HMGN2: variants seen among roughly 807,000 people sequenced by gnomAD.
The protein encoded by HMGN2 is non-histone chromosomal protein HMG-17.
A neutral mutation model predicts 16.9 loss-of-function variants in HMGN2; 2 were observed. The observed-to-expected ratio is 0.12, with a 90% CI of 0.05 to 0.37. The LOEUF is 0.37. Ranked by LOEUF, HMGN2 falls within the 10% of genes least tolerant of loss-of-function variation. HMGN2 has a pLI of 1.00. For missense variants in HMGN2, 90 were observed against 106.0 expected (o/e 0.85, Z 0.66); for synonymous variants, 31 against 34.9 (o/e 0.89, Z 0.39).
rs796736102 is a variant in HMGN2, at chr1:26,475,390, G to C, written c.*242G>C. ...ACACCTTTCCCTTCTAGTTTTGAGA[G>C]ACTTCCTCTTGGCTCCCAGGAGGAG... On this transcript the variant is annotated 3_prime_UTR_variant, in exon 6 of 6. Transcript: ENST00000361427. 1 of 385,724 alleles carries C rather than the reference G, an allele frequency of 2.6e-6. No individual in the cohort carries two copies. Among genetic ancestry groups the C allele is most frequent in the Admixed American group, 4.2e-5 (1 of 23,808 alleles). 23.9% of individuals were successfully genotyped at this position (385,724 alleles called of 1,614,324 possible). A position where few individuals can be genotyped will look rare whatever the true frequency, so the allele number is the denominator to read the frequency against.
chr1:26,475,814 G>A lies in HMGN2; in HGVS notation c.*666G>A, dbSNP rs540807280. 2.8e-4 allele frequency: 89 copies of A among 316,924 alleles called. No homozygotes were observed. Among genetic ancestry groups the A allele is most frequent in the African/African-American group, 1.8e-3 (79 of 44,714 alleles). The allele number at this position is 316,924 out of a possible 1,614,324, so 19.6% of individuals were successfully genotyped here. A position where few individuals can be genotyped will look rare whatever the true frequency, so the allele number is the denominator to read the frequency against. On this transcript the variant is annotated 3_prime_UTR_variant, in exon 6 of 6. Transcript: ENST00000361427. ...AGAGCATCAGATGAAGACTTCATTG[G>A]GTTTTATAGTGGCTTTCTGATTTTT...
In HMGN2 at chr1:26,474,745, C is replaced by T. The variant is rs144817278; in HGVS notation, c.237+78C>T. 8.2e-4 allele frequency: 599 copies of T among 733,226 alleles called. 3 individuals carry two copies. The African/African-American group carries it at 9.1e-3, about 11-fold the overall frequency. The allele number at this position is 733,226 out of a possible 1,614,324, so 45.4% of individuals were successfully genotyped here. A position where few individuals can be genotyped will look rare whatever the true frequency, so the allele number is the denominator to read the frequency against. The stretch of plus-strand genomic sequence containing the variant: ...ATATCAAAAATTTAATTGCCCTTTT[C>T]TTGTATCACTCCAAATGTACCATTT... On this transcript the variant is annotated intron_variant, in intron 5 of 5. Transcript: ENST00000361427.
chr1:26,473,661 A>G, intron 2 of HMGN2, 42 bp from the exon 3 acceptor site: 1 of 1,609,260 alleles, frequency 6.2e-7, no homozygotes, highest in Non-Finnish European at 8.5e-7. Flanking sequence ...TTTCAAAGCG[A>G]CTTACCTGTC....
intron 1 of HMGN2, 55 bp from the exon 2 acceptor site, chr1:26,473,428 G>C: frequency 7.8e-7 from 1 of 1,274,096 alleles, no homozygotes; most frequent in Non-Finnish European, 1.1e-6. Flanking sequence ...TAAAGTTTGG[G>C]AAGTAATTAA....
rs1359081532 is a variant in HMGN2 at position 26,476,471 on chromosome 1, T to C, written c.*1323T>C. On this transcript the variant is annotated 3_prime_UTR_variant, in exon 6 of 6. Coordinates refer to ENST00000361427, the MANE Select transcript of HMGN2 (RefSeq NM_005517.4). Reference sequence around the variant, plus strand: ...CTGCAAACAAAGACAATGGGGTCTTTCCTGATTCCTTTAGTTTGGAGATGC... The same window carrying C: ...CTGCAAACAAAGACAATGGGGTCTTCCCTGATTCCTTTAGTTTGGAGATGC... Among the ~76,000 whole-genome samples the C allele has an allele frequency of 2.0e-5, 3 of 152,222 alleles. No individual in the cohort carries two copies. Among genetic ancestry groups the C allele is most frequent in the Non-Finnish European group, 2.9e-5 (2 of 68,036 alleles).
At chr1:26,475,001 A>G (rs1194725251) in intron 5 of HMGN2, 112 bp from the exon 6 acceptor site, 3 of 841,864 alleles carry the variant, frequency 3.6e-6, no homozygotes, top group South Asian at 1.5e-5. Flanking sequence ...ACTGAGTCTC[A>G]GTACCTGAAA....
rs958810113 is a variant in HMGN2 at position 26,473,159 on chromosome 1, A to T, written c.16-324A>T. On this transcript the variant is annotated intron_variant, in intron 1 of 5. Coordinates refer to ENST00000361427, the MANE Select transcript of HMGN2 (RefSeq NM_005517.4). ...CGCGCGCCTCCCTCTCCCGCCCTCGACGGCTGCCATAGCAACGGCGCTGGG... is the reference window on the plus strand; with the variant it reads ...CGCGCGCCTCCCTCTCCCGCCCTCGTCGGCTGCCATAGCAACGGCGCTGGG... 4.5e-5 allele frequency: 15 copies of T among 335,236 alleles called. No homozygotes were observed. In the South Asian group the frequency reaches 5.4e-4, roughly 12 times the overall value. The allele number at this position is 335,236 out of a possible 1,614,324, so 20.8% of individuals were successfully genotyped here.
chr1:26,474,143 C>A lies in HMGN2; in HGVS notation c.141+8C>A, dbSNP rs928616753. On this transcript the variant is annotated splice_region_variant and intron_variant, in intron 4 of 5. Transcript: ENST00000361427. Reference sequence around the variant, plus strand: ...AAAAAGGCCCCTGCAAAGGTAAGTGCTAACATTGGAACTGATCATTTTCAC... The same window carrying A: ...AAAAAGGCCCCTGCAAAGGTAAGTGATAACATTGGAACTGATCATTTTCAC... 1.9e-6 allele frequency: 3 copies of A among 1,599,440 alleles called. No homozygotes were observed. The highest frequency in any genetic ancestry group is 2.6e-6 in the Non-Finnish European group (3 of 1,171,568).
At position 26,473,818 on chromosome 1, in the gene HMGN2, G is replaced by A. The variant is rs369251613; in HGVS notation, c.90+86G>A. 634 of 1,346,990 alleles carry A rather than the reference G, an allele frequency of 4.7e-4. 1 individual carries two copies. In the African/African-American group the frequency reaches 8.3e-3, roughly 18 times the overall value. The allele number at this position is 1,346,990 out of a possible 1,614,324, so 83.4% of individuals were successfully genotyped here. A position where few individuals can be genotyped will look rare whatever the true frequency, so the allele number is the denominator to read the frequency against. On this transcript the variant is annotated intron_variant, in intron 3 of 5. Coordinates refer to ENST00000361427, the MANE Select transcript of HMGN2 (RefSeq NM_005517.4). ...ATTCCCTTTGCTTCCATGAATTATG[G>A]TTAGTGCCTGGTTTTGAATCATTGC...
chr1:26,474,550 T>C, intron 4 of HMGN2, 22 bp from the exon 5 acceptor site: 2 of 1,152,270 alleles, frequency 1.7e-6, no homozygotes, highest in South Asian at 2.5e-5. Flanking sequence ...GAGAAACAGT[T>C]CTATTTTTTC....
In HMGN2 at chr1:26,473,308, CGA is replaced by C. The variant is rs1570378176; in HGVS notation, c.16-173_16-172del. On this transcript the variant is annotated intron_variant, in intron 1 of 5. Transcript: ENST00000361427. The stretch of plus-strand genomic sequence containing the variant: ...TCCAGCCCTCGCTTCTCGGGGTCGG[CGA>C]GCCGGAGCTCCTGCGCGCGCTTCGT... The C allele has an allele frequency of 2.3e-5, 14 of 596,288 alleles. 1 individual carries two copies. In the East Asian group the frequency reaches 4.0e-4, roughly 17 times the overall value. 36.9% of individuals were successfully genotyped at this position (596,288 alleles called of 1,614,324 possible).
chr1:26,473,942 C>T, intron 3 of HMGN2, 143 bp from the exon 4 acceptor site: 2 of 807,306 alleles, frequency 2.5e-6, no homozygotes, highest in Non-Finnish European at 4.0e-6. Context: ...GGAAATCCAA[C>T]ATTCTAGAAG....
At position 26,472,538 on chromosome 1, in the gene HMGN2, CG is replaced by C; in HGVS notation, c.-73del. 5.2e-6 allele frequency: 8 copies of C among 1,525,784 alleles called. No homozygotes were observed. The South Asian group carries it at 9.5e-5, about 18-fold the overall frequency. The allele number at this position is 1,525,784 out of a possible 1,614,324, so 94.5% of individuals were successfully genotyped here. A position where few individuals can be genotyped will look rare whatever the true frequency, so the allele number is the denominator to read the frequency against. The stretch of plus-strand genomic sequence containing the variant: ...GTGAAGAAGAGGCGAGAACGACCCC[CG>C]GACCGACCAAAGCCCGCGCGCCGCT... On this transcript the variant is annotated 5_prime_UTR_variant, in exon 1 of 6. Coordinates refer to ENST00000361427, the MANE Select transcript of HMGN2 (RefSeq NM_005517.4).
intron 3 of HMGN2, 48 bp downstream of exon 3, chr1:26,473,780 A>G (rs748748132): frequency 6.5e-7 from 1 of 1,545,668 alleles, no homozygotes; most frequent in South Asian, 1.1e-5. Flanking sequence ...AAACTAAAAA[A>G]CATCAAAAAA....
rs542596488 is a variant in HMGN2 at position 26,473,008 on chromosome 1, G to GA, written c.15+384dup. 3.2e-3 allele frequency among the ~76,000 whole-genome samples: 461 copies of GA among 145,596 alleles called. 2 individuals carry two copies. The highest frequency in any genetic ancestry group is 0.011 in the African/African-American group (440 of 39,350). Reference sequence around the variant, plus strand: ...CGGCGCTCGGGGTTGGCGGGCGGGGGAAAGCGCTGCCGCCAAAAAACCGCC... The same window carrying GA: ...CGGCGCTCGGGGTTGGCGGGCGGGGGAAAAGCGCTGCCGCCAAAAAACCGCC... On this transcript the variant is annotated intron_variant, in intron 1 of 5. Coordinates refer to ENST00000361427, the MANE Select transcript of HMGN2 (RefSeq NM_005517.4).
chr1:26,473,777 A>G, intron 3 of HMGN2, 45 bp downstream of exon 3: 4 of 1,538,916 alleles, frequency 2.6e-6, no homozygotes, highest in South Asian at 1.1e-5. Context: ...CTGAAACTAA[A>G]AAACATCAAA....
In HMGN2 at chr1:26,475,110, T is replaced by C. The variant is rs762414372; in HGVS notation, c.238-3T>C. ...TTGCATTAATTTGTCTGTTTTCTTT[T>C]AGGCACAGAAAGCTGAAGGTGCTGG... On this transcript the variant is annotated splice_polypyrimidine_tract_variant and splice_region_variant and intron_variant, in intron 5 of 5. Transcript: ENST00000361427. The C allele has an allele frequency of 1.2e-6, 2 of 1,610,750 alleles. No homozygotes were observed. The highest frequency in any genetic ancestry group is 1.7e-6 in the Non-Finnish European group (2 of 1,177,348).
rs1345350619 is a variant in HMGN2 at position 26,472,527 on chromosome 1, A to C, written c.-86A>C. The C allele has an allele frequency of 1.3e-6, 2 of 1,497,176 alleles. No individual in the cohort carries two copies. Among genetic ancestry groups the C allele is most frequent in the African/African-American group, 1.4e-5 (1 of 71,578 alleles). The allele number at this position is 1,497,176 out of a possible 1,614,324, so 92.7% of individuals were successfully genotyped here. The stretch of plus-strand genomic sequence containing the variant: ...GCCCGAGCAGTGTGAAGAAGAGGCG[A>C]GAACGACCCCCGGACCGACCAAAGC... On this transcript the variant is annotated 5_prime_UTR_variant, in exon 1 of 6. Coordinates refer to ENST00000361427, the MANE Select transcript of HMGN2 (RefSeq NM_005517.4).
chr1:26,476,312 C>T lies in HMGN2; in HGVS notation c.*1164C>T, dbSNP rs946707749. Among the ~76,000 whole-genome samples the T allele has an allele frequency of 2.6e-5, 4 of 152,134 alleles. No homozygotes were observed. The highest frequency in any genetic ancestry group is 2.6e-4 in the Admixed American group (4 of 15,280). ...GTTTTGGCTGGGTAGCTGACAGGAG[C>T]CTCTCTACTTCCATCTGCATTTGCA... On this transcript the variant is annotated 3_prime_UTR_variant, in exon 6 of 6. Transcript: ENST00000361427.
Sources: gnomAD v4.1 joint callset for allele counts (sites outside exome capture counted in the v4.1 genomes callset) on GRCh38, gnomAD v4.1.1 for gene constraint, MANE v1.5 for transcripts, NCBI Gene and HGNC (gene_info 2026-07-23, HGNC 2026-07-21) for gene names.